The following SH3RF3 variants were observed in gnomAD, a reference collection of about 807,000 sequenced individuals.
The protein encoded by SH3RF3 is E3 ubiquitin-protein ligase SH3RF3.
Under a neutral mutation model 66.3 loss-of-function variants are expected in SH3RF3, and 29 were observed. That is an observed-to-expected ratio of 0.44 (90% CI 0.33 to 0.60). The LOEUF (loss-of-function observed/expected upper bound fraction) is 0.60, where lower values mean the gene tolerates loss of function less well. Ranked by LOEUF, SH3RF3 falls within the 20% of genes least tolerant of loss-of-function variation. The pLI, the probability that SH3RF3 is intolerant of heterozygous loss-of-function variation, is 0.04. For missense variants in SH3RF3, 1,194 were observed against 1,190.9 expected, an observed-to-expected ratio of 1.00 and a Z score of -0.04; for synonymous variants, 583 against 532.0, an observed-to-expected ratio of 1.10 and a Z score of -1.32.
At chr2:109,403,087 G>A (rs1386815288) in intron 4 of SH3RF3, among the ~76,000 whole-genome samples, 2 of 152,138 alleles carry the variant, frequency 1.3e-5, no homozygotes, top group Non-Finnish European at 2.9e-5. Flanking sequence ...CTCTTTCTTT[G>A]GTGTTGTCTT....
chr2:109,185,283 G>A (rs1678159644), intron 1 of SH3RF3, among the ~76,000 whole-genome samples: 1 of 152,168 alleles, frequency 6.6e-6, no homozygotes, highest in African/African-American at 2.4e-5. Context: ...TAATCGATGT[G>A]AATAAAATCC....
intron 1 of SH3RF3, among the ~76,000 whole-genome samples, chr2:109,258,051 C>T (rs186963857): frequency 2.6e-5 from 4 of 152,302 alleles, no homozygotes; most frequent in Admixed American, 2.6e-4. Flanking sequence ...TTTGCTGACC[C>T]TCACAGCCCT....
intron 3 of SH3RF3, among the ~76,000 whole-genome samples, chr2:109,378,805 T>C (rs1280083877): frequency 1.3e-5 from 2 of 152,180 alleles, no homozygotes; most frequent in East Asian, 3.9e-4. Context: ...ATTCCTGGCT[T>C]TATGTGACCT....
intron 1 of SH3RF3, among the ~76,000 whole-genome samples, chr2:109,247,224 G>A (rs1462394389): frequency 6.6e-6 from 1 of 152,184 alleles, no homozygotes; most frequent in East Asian, 1.9e-4. Flanking sequence ...ACCCCACACA[G>A]ATGCCCACAG....
Position 109,300,305 on chromosome 2 carries a change from G to A in SH3RF3, c.574-47369G>A, listed in dbSNP as rs138286393. 4.3e-4 allele frequency among the ~76,000 whole-genome samples: 65 copies of A among 152,108 alleles called. No homozygotes were observed. In the East Asian group the frequency reaches 0.012, roughly 28 times the overall value. On this transcript the variant is annotated intron_variant, in intron 1 of 9. Transcript: ENST00000309415. ...AGCAGTTCTCCTGTCTTAGCTTCCC[G>A]AGTAGCTGGGACTATAGTCGCACGC...
intron 1 of SH3RF3, among the ~76,000 whole-genome samples, chr2:109,342,943 CTTTTA>C (rs1332125735): frequency 2.6e-5 from 4 of 152,046 alleles, no homozygotes; most frequent in Non-Finnish European, 4.4e-5. Flanking sequence ...TTCCTTTTTT[CTTTTA>C]TTTCTTTTTC....
intron 1 of SH3RF3, among the ~76,000 whole-genome samples, chr2:109,297,853 T>C (rs1333625605): frequency 1.3e-5 from 2 of 151,982 alleles, no homozygotes; most frequent in Non-Finnish European, 2.9e-5. Context: ...CCTGGGCCAG[T>C]TCGCCCCACC....
intron 4 of SH3RF3, among the ~76,000 whole-genome samples, chr2:109,405,574 C>G (rs1676432449): frequency 6.6e-6 from 1 of 152,210 alleles, no homozygotes; most frequent in Non-Finnish European, 1.5e-5. Context: ...GCCCATGTCC[C>G]TTTTGCTGCC....
intron 3 of SH3RF3, 121 bp downstream of exon 3, chr2:109,371,802 C>G: frequency 1.2e-6 from 1 of 821,396 alleles, no homozygotes; most frequent in East Asian, 2.7e-5. Context: ...CCACAATAGC[C>G]TCTGGCCAGA....
At chr2:109,333,986 T>C (rs1177561697) in intron 1 of SH3RF3, among the ~76,000 whole-genome samples, 1 of 152,166 alleles carries the variant, frequency 6.6e-6, no homozygotes, top group African/African-American at 2.4e-5. Flanking sequence ...TGTGTTAAAT[T>C]TTTAAGGAAG....
intron 1 of SH3RF3, among the ~76,000 whole-genome samples, chr2:109,206,490 CA>C (rs36060217): frequency 0.057 from 2,298 of 40,600 alleles, 11 homozygotes; most frequent in African/African-American, 0.2. Flanking sequence ...GACTCCGTCT[CA>C]AAAAAAAAAA....
intron 2 of SH3RF3, among the ~76,000 whole-genome samples, chr2:109,364,124 G>A (rs1425651888): frequency 6.7e-6 from 1 of 149,032 alleles, no homozygotes; most frequent in Non-Finnish European, 1.5e-5. Context: ...TTCTTGCTTT[G>A]AAGTTGTCCT....
Position 109,129,449 on chromosome 2 carries a change from C to G in SH3RF3, c.-92C>G, listed in dbSNP as rs1318745368. ...TGAAGAAAGTCACGGCGGAGCCCGGCTCCCCAGTCCTGATGCTGGCTGCCG... is the reference window on the plus strand; with the variant it reads ...TGAAGAAAGTCACGGCGGAGCCCGGGTCCCCAGTCCTGATGCTGGCTGCCG... On this transcript the variant is annotated 5_prime_UTR_variant, in exon 1 of 10. Coordinates refer to ENST00000309415, the MANE Select transcript of SH3RF3 (RefSeq NM_001099289.3). 12 of 1,491,570 alleles carry G rather than the reference C, an allele frequency of 8.0e-6. No homozygotes were observed. The highest frequency in any genetic ancestry group is 1.1e-5 in the Non-Finnish European group (12 of 1,124,016). The allele number at this position is 1,491,570 out of a possible 1,614,324, so 92.4% of individuals were successfully genotyped here.
chr2:109,281,667 A>G (rs1320776257), intron 1 of SH3RF3, among the ~76,000 whole-genome samples: 1 of 152,150 alleles, frequency 6.6e-6, no homozygotes, highest in East Asian at 1.9e-4. Context: ...CAGCTGCTGA[A>G]TTCCCCACAG....
chr2:109,219,889 C>T (rs977269106), intron 1 of SH3RF3, among the ~76,000 whole-genome samples: 3 of 152,098 alleles, frequency 2.0e-5, no homozygotes, highest in African/African-American at 7.2e-5. Context: ...TCTATCAAAA[C>T]CCCAATGGCG....
At chr2:109,485,444 A>C (rs1678943619) in intron 8 of SH3RF3, among the ~76,000 whole-genome samples, 1 of 152,208 alleles carries the variant, frequency 6.6e-6, no homozygotes, top group African/African-American at 2.4e-5. Flanking sequence ...ATTGACCTTT[A>C]ACTGGCACTG....
chr2:109,406,546 A>G (rs1421524913), intron 4 of SH3RF3, among the ~76,000 whole-genome samples: 3 of 152,194 alleles, frequency 2.0e-5, no homozygotes, highest in Non-Finnish European at 4.4e-5. Flanking sequence ...TGGGACACCA[A>G]CAAACACCAG....
At chr2:109,254,970 C>T (rs1011064386) in intron 1 of SH3RF3, among the ~76,000 whole-genome samples, 4 of 152,190 alleles carry the variant, frequency 2.6e-5, no homozygotes, top group Admixed American at 1.3e-4. Context: ...CTATGTGGGG[C>T]TCTGTGGTTC....
At chr2:109,384,023 C>T (rs907024139) in intron 3 of SH3RF3, among the ~76,000 whole-genome samples, 1 of 152,350 alleles carries the variant, frequency 6.6e-6, no homozygotes, top group East Asian at 1.9e-4. Flanking sequence ...CCATCCTTTC[C>T]ATCTCTGCTT....
Sources: gnomAD v4.1 joint callset for allele counts (sites outside exome capture counted in the v4.1 genomes callset) on GRCh38, gnomAD v4.1.1 for gene constraint, MANE v1.5 for transcripts, NCBI Gene and HGNC (gene_info 2026-07-23, HGNC 2026-07-21) for gene names.